The following CLVS1 variants were observed in gnomAD, a reference collection of about 807,000 sequenced individuals.
CLVS1 encodes clavesin-1.
Under a neutral mutation model 33.1 loss-of-function variants are expected in CLVS1, and 10 were observed. The observed-to-expected ratio is 0.30, with a 90% CI of 0.19 to 0.51. The LOEUF (loss-of-function observed/expected upper bound fraction) is 0.51, where lower values mean the gene tolerates loss of function less well. Among genes scored for constraint, CLVS1 ranks in the 20% least tolerant of loss-of-function variants. CLVS1 has a pLI of 0.97. For synonymous variants in CLVS1, 163 were observed against 166.1 expected (o/e 0.98, Z 0.14); for missense variants, 343 against 433.4 (o/e 0.79, Z 1.85).
intron 3 of CLVS1, among the ~76,000 whole-genome samples, chr8:61,395,341 G>T (rs1284618121): frequency 6.6e-6 from 1 of 152,088 alleles, no homozygotes; most frequent in East Asian, 1.9e-4. Context: ...TTGACCAAAG[G>T]GTACAAAGTT....
chr8:61,378,893 G>A (rs190794022), intron 3 of CLVS1, among the ~76,000 whole-genome samples: 22 of 152,260 alleles, frequency 1.4e-4, no homozygotes, highest in African/African-American at 2.2e-4. Flanking sequence ...TGAAAAAGCC[G>A]TAAGTGGTAC....
intron 2 of CLVS1, among the ~76,000 whole-genome samples, chr8:61,209,722 G>GT (rs112369214): frequency 0.29 from 44,608 of 151,920 alleles, 6,776 homozygotes; most frequent in African/African-American, 0.35. Context: ...TTTGCACATG[G>GT]ATGTCAATGC....
intron 5 of CLVS1, among the ~76,000 whole-genome samples, chr8:61,484,312 G>C (rs1426005613): frequency 1.3e-5 from 2 of 152,074 alleles, no homozygotes; most frequent in African/African-American, 4.8e-5. Flanking sequence ...GACAAACAGA[G>C]AGCCAAATCA....
chr8:61,258,052 A>G (rs1809123094), intron 2 of CLVS1, among the ~76,000 whole-genome samples: 1 of 152,200 alleles, frequency 6.6e-6, no homozygotes, highest in African/African-American at 2.4e-5. Flanking sequence ...AAGGAAAGCC[A>G]TCAGTGAAAC....
At chr8:61,271,326 T>G (rs959005256) in intron 2 of CLVS1, among the ~76,000 whole-genome samples, 2 of 151,334 alleles carry the variant, frequency 1.3e-5, no homozygotes, top group Non-Finnish European at 3.0e-5. Flanking sequence ...TGAGCGGTTT[T>G]GAGTGAGATT....
At chr8:61,246,523 C>G (rs1392789948) in intron 2 of CLVS1, among the ~76,000 whole-genome samples, 1 of 152,062 alleles carries the variant, frequency 6.6e-6, no homozygotes, top group Admixed American at 6.6e-5. Context: ...CGTGTAAAAT[C>G]TCAAAAGGCA....
chr8:61,270,384 A>G (rs532997224), intron 2 of CLVS1, among the ~76,000 whole-genome samples: 33 of 152,332 alleles, frequency 2.2e-4, no homozygotes, highest in African/African-American at 7.9e-4. Flanking sequence ...ATTGTGGATA[A>G]GCTTTTTGAT....
chr8:61,325,875 G>A (rs2129596746), intron 2 of CLVS1, among the ~76,000 whole-genome samples: 1 of 152,252 alleles, frequency 6.6e-6, no homozygotes, highest in South Asian at 2.1e-4. Flanking sequence ...CCTATTTATA[G>A]TTCATCTCAC....
chr8:61,348,627 G>A (rs1373341791), intron 2 of CLVS1, among the ~76,000 whole-genome samples: 2 of 152,000 alleles, frequency 1.3e-5, no homozygotes, highest in African/African-American at 4.8e-5. Flanking sequence ...ATCTACTGAT[G>A]GACATTTAGG....
chr8:61,148,061 G>A (rs1232724641), intron 2 of CLVS1, among the ~76,000 whole-genome samples: 4 of 152,236 alleles, frequency 2.6e-5, no homozygotes, highest in Non-Finnish European at 5.9e-5. Context: ...AGTACTCCAA[G>A]TCAGGAGCAG....
rs561627923 is a variant in CLVS1, at chr8:61,500,660, A to G, written c.*1118A>G. 6.6e-6 allele frequency: 1 copy of G among 152,162 alleles called. No individual in the cohort carries two copies. Among genetic ancestry groups the G allele is most frequent in the Non-Finnish European group, 1.5e-5 (1 of 68,036 alleles). 9.4% of individuals were successfully genotyped at this position (152,162 alleles called of 1,614,324 possible). Reference sequence around the variant, plus strand: ...ATAAAATAAACAGACATCATATATGATATCCTTACTTGTGCCATGTTTTCC... The same window carrying G: ...ATAAAATAAACAGACATCATATATGGTATCCTTACTTGTGCCATGTTTTCC... On this transcript the variant is annotated 3_prime_UTR_variant, in exon 6 of 6. Transcript: ENST00000325897.
chr8:61,208,356 C>T (rs560280236), intron 2 of CLVS1, among the ~76,000 whole-genome samples: 3 of 152,254 alleles, frequency 2.0e-5, no homozygotes, highest in African/African-American at 7.2e-5. Context: ...GAAGAAAGGG[C>T]TCTGACAAAA....
chr8:61,399,440 A>G (rs985024559), intron 3 of CLVS1, among the ~76,000 whole-genome samples: 4 of 151,768 alleles, frequency 2.6e-5, no homozygotes, highest in African/African-American at 9.7e-5. Flanking sequence ...TAAATGCTGG[A>G]CCTTTGTCAG....
intron 3 of CLVS1, among the ~76,000 whole-genome samples, chr8:61,405,481 A>T (rs1814949874): frequency 6.6e-6 from 1 of 152,182 alleles, no homozygotes; most frequent in Admixed American, 6.5e-5. Flanking sequence ...TATTAAAAAT[A>T]TGTGTATTCT....
the CLVS1 span, among the ~76,000 whole-genome samples, chr8:60,995,437 A>C: frequency 4.6e-5 from 7 of 152,344 alleles, no homozygotes; most frequent in South Asian, 1.2e-3. Context: ...GCCATCAGAG[A>C]AATGCAAATC....
chr8:61,434,826 T>A (rs565446948), intron 3 of CLVS1, among the ~76,000 whole-genome samples: 16 of 152,168 alleles, frequency 1.1e-4, no homozygotes, highest in Non-Finnish European at 2.2e-4. Context: ...TGGTTCTCAG[T>A]TGATTATCTC....
At chr8:61,294,139 G>T (rs1184263350) in intron 1 of CLVS1, among the ~76,000 whole-genome samples, 2 of 152,096 alleles carry the variant, frequency 1.3e-5, no homozygotes, top group Non-Finnish European at 2.9e-5. Flanking sequence ...GTGTGGATGT[G>T]TGTCTATTAT....
chr8:61,321,341 T>C (rs1389411670), intron 2 of CLVS1, among the ~76,000 whole-genome samples: 3 of 152,120 alleles, frequency 2.0e-5, no homozygotes, highest in African/African-American at 4.8e-5. Context: ...TTTCACTTGC[T>C]GAGGAGTCTG....
the CLVS1 span, among the ~76,000 whole-genome samples, chr8:60,986,187 G>T: frequency 1.3e-5 from 2 of 152,238 alleles, no homozygotes; most frequent in African/African-American, 4.8e-5. Context: ...GGGCAGGCCA[G>T]TGTGCAGATA....
Sources: gnomAD v4.1 joint callset for allele counts (sites outside exome capture counted in the v4.1 genomes callset) on GRCh38, gnomAD v4.1.1 for gene constraint, MANE v1.5 for transcripts, NCBI Gene and HGNC (gene_info 2026-07-23, HGNC 2026-07-21) for gene names.